Variants in TAFA1 observed in about 807,000 individuals in gnomAD.
The protein encoded by TAFA1 is chemokine-like protein TAFA-1.
In TAFA1, 4 loss-of-function variants were observed where a neutral mutation model predicts 18.5. The ratio of observed to expected loss-of-function variants is 0.22; its 90% CI spans 0.11 to 0.49. TAFA1 has a LOEUF of 0.49. TAFA1 is among the 20% of genes least tolerant of loss of function. The probability of loss-of-function intolerance (pLI) is 0.98; values close to 1 mark genes in which losing one functional copy is unlikely to be tolerated. For missense variants in TAFA1, 147 were observed against 169.0 expected (o/e 0.87, Z 0.72); for synonymous variants, 56 against 55.2 (o/e 1.01, Z -0.06).
intron 2 of TAFA1, among the ~76,000 whole-genome samples, chr3:68,404,841 G>A (rs551762268): frequency 6.6e-6 from 1 of 151,694 alleles, no homozygotes; most frequent in African/African-American, 2.4e-5. Context: ...TGCAGTTTGA[G>A]ATCAGTTTAT....
chr3:68,425,544 C>A (rs1006072866), intron 3 of TAFA1, among the ~76,000 whole-genome samples: 1 of 151,868 alleles, frequency 6.6e-6, no homozygotes, highest in Non-Finnish European at 1.5e-5. Flanking sequence ...AGCATTTAGT[C>A]CCCAACTTGG....
intron 2 of TAFA1, among the ~76,000 whole-genome samples, chr3:68,056,377 C>T (rs1161791736): frequency 6.6e-6 from 1 of 152,166 alleles, no homozygotes; most frequent in East Asian, 1.9e-4. Flanking sequence ...TTTCCTGGGA[C>T]TGTCTTGGTT....
At chr3:68,180,118 C>T in intron 2 of TAFA1, among the ~76,000 whole-genome samples, 1 of 151,408 alleles carries the variant, frequency 6.6e-6, no homozygotes, top group Non-Finnish European at 1.5e-5. Flanking sequence ...ACCTCCACCT[C>T]CCAGTTTCAA....
intron 2 of TAFA1, among the ~76,000 whole-genome samples, chr3:68,245,481 A>C (rs898163757): frequency 2.0e-5 from 3 of 152,116 alleles, no homozygotes; most frequent in African/African-American, 4.8e-5. Flanking sequence ...ATATATTTCT[A>C]CTGTTCTACT....
chr3:68,241,464 T>A (rs889713805), intron 2 of TAFA1, among the ~76,000 whole-genome samples: 1 of 152,136 alleles, frequency 6.6e-6, no homozygotes, highest in East Asian at 1.9e-4. Flanking sequence ...CAAGACTTTT[T>A]AAAAATTGTG....
intron 3 of TAFA1, among the ~76,000 whole-genome samples, chr3:68,446,401 T>A (rs2106882573): frequency 6.6e-6 from 1 of 152,050 alleles, no homozygotes; most frequent in African/African-American, 2.4e-5. Context: ...GGGAGGTGAG[T>A]GTGGAAGAAG....
chr3:68,241,459 CTT>C (rs1446215113), intron 2 of TAFA1, among the ~76,000 whole-genome samples: 1 of 152,098 alleles, frequency 6.6e-6, no homozygotes, highest in Non-Finnish European at 1.5e-5. Context: ...CTCTTCAAGA[CTT>C]TTTAAAAATT....
At chr3:68,191,653 A>C (rs1332145110) in intron 2 of TAFA1, among the ~76,000 whole-genome samples, 2 of 151,822 alleles carry the variant, frequency 1.3e-5, no homozygotes, top group African/African-American at 4.8e-5. Context: ...TTTTTATCAC[A>C]GCAAAGAGAG....
chr3:68,098,225 C>T (rs1160186859), intron 2 of TAFA1, among the ~76,000 whole-genome samples: 1 of 151,996 alleles, frequency 6.6e-6, no homozygotes, highest in Non-Finnish European at 1.5e-5. Context: ...AAAAGCACAA[C>T]CTCTCAACTC....
intron 2 of TAFA1, among the ~76,000 whole-genome samples, chr3:68,038,972 A>G (rs1705109659): frequency 6.6e-6 from 1 of 152,136 alleles, no homozygotes; most frequent in Non-Finnish European, 1.5e-5. Context: ...ATTTTAACTC[A>G]TATGTGACTT....
At chr3:68,255,719 T>C (rs549606987) in intron 2 of TAFA1, among the ~76,000 whole-genome samples, 6 of 152,186 alleles carry the variant, frequency 3.9e-5, no homozygotes, top group African/African-American at 1.4e-4. Context: ...TGATTTATTT[T>C]TTAAGGGACC....
chr3:68,538,911 A>T, intron 4 of TAFA1, 31 bp downstream of exon 4: 2 of 1,610,722 alleles, frequency 1.2e-6, no homozygotes, highest in East Asian at 2.2e-5. Flanking sequence ...TGTATTTTGG[A>T]TGTTACAGAC....
chr3:68,391,861 A>C (rs2070257739), intron 2 of TAFA1, among the ~76,000 whole-genome samples: 1 of 152,198 alleles, frequency 6.6e-6, no homozygotes, highest in Non-Finnish European at 1.5e-5. Context: ...CTGAGGAAGC[A>C]CTAAACATGG....
intron 3 of TAFA1, among the ~76,000 whole-genome samples, chr3:68,422,875 G>C (rs1370964444): frequency 6.6e-6 from 1 of 151,836 alleles, no homozygotes; most frequent in Non-Finnish European, 1.5e-5. Context: ...GAAGTGGGGA[G>C]CATGCTACTC....
intron 2 of TAFA1, among the ~76,000 whole-genome samples, chr3:68,352,679 A>G (rs2069290983): frequency 6.6e-6 from 1 of 152,072 alleles, no homozygotes; most frequent in African/African-American, 2.4e-5. Flanking sequence ...TTGGCATGAC[A>G]TATTCTGGTT....
intron 2 of TAFA1, among the ~76,000 whole-genome samples, chr3:68,109,771 A>G (rs2065243402): frequency 6.6e-6 from 1 of 152,176 alleles, no homozygotes; most frequent in African/African-American, 2.4e-5. Flanking sequence ...TATTCATAGA[A>G]CAAAAGTTAT....
At chr3:67,996,852 A>G in the TAFA1 span, among the ~76,000 whole-genome samples, 1 of 152,114 alleles carries the variant, frequency 6.6e-6, no homozygotes, top group East Asian at 1.9e-4. Flanking sequence ...GCTGAAAGGC[A>G]CTATGCTACT....
intron 2 of TAFA1, among the ~76,000 whole-genome samples, chr3:68,104,978 A>G (rs9839928): frequency 6.6e-6 from 1 of 152,148 alleles, no homozygotes; most frequent in African/African-American, 2.4e-5. Flanking sequence ...TGGTGCTGGC[A>G]TCTGCATCTG....
intron 2 of TAFA1, among the ~76,000 whole-genome samples, chr3:68,335,050 G>A (rs2068948244): frequency 1.3e-5 from 2 of 152,230 alleles, no homozygotes; most frequent in Non-Finnish European, 2.9e-5. Flanking sequence ...CAAGGTGATT[G>A]TGCATGGAGT....
Sources: gnomAD v4.1 joint callset for allele counts (sites outside exome capture counted in the v4.1 genomes callset) on GRCh38, gnomAD v4.1.1 for gene constraint, MANE v1.5 for transcripts, NCBI Gene and HGNC (gene_info 2026-07-23, HGNC 2026-07-21) for gene names.